Variants in ZNF727 observed in about 807,000 individuals in gnomAD.
The protein encoded by ZNF727 is zinc finger protein 727, also known as putative zinc finger protein 727.
In ZNF727, 11 loss-of-function variants were observed where a neutral mutation model predicts 11.5. That is an observed-to-expected ratio of 0.95 (90% CI 0.60 to 1.58). The LOEUF (loss-of-function observed/expected upper bound fraction) is 1.58, where lower values mean the gene tolerates loss of function less well. Ranked by LOEUF, ZNF727 falls within the 40% of genes most tolerant of loss-of-function variation. The pLI is 0.00. For missense variants in ZNF727, 533 were observed against 581.7 expected, an observed-to-expected ratio of 0.92 and a Z score of 0.86; for synonymous variants, 171 against 196.1, an observed-to-expected ratio of 0.87 and a Z score of 1.07.
intron 1 of ZNF727, among the ~76,000 whole-genome samples, chr7:64,059,557 A>G (rs998551231): frequency 6.6e-6 from 1 of 152,172 alleles, no homozygotes; most frequent in African/African-American, 2.4e-5. Context: ...CTTATTGATT[A>G]TTCAGATTAT....
At chr7:64,075,337 A>G (rs1790023608) in intron 3 of ZNF727, among the ~76,000 whole-genome samples, 1 of 152,118 alleles carries the variant, frequency 6.6e-6, no homozygotes, top group Non-Finnish European at 1.5e-5. Flanking sequence ...AAATATGTCC[A>G]GTATTATTTA....
At chr7:64,068,324 G>A (rs1018459826) in intron 1 of ZNF727, among the ~76,000 whole-genome samples, 2 of 152,102 alleles carry the variant, frequency 1.3e-5, no homozygotes, top group African/African-American at 4.8e-5. Flanking sequence ...CCTATGGAAA[G>A]TGAAGGCTCT....
intron 3 of ZNF727, among the ~76,000 whole-genome samples, chr7:64,071,701 T>G (rs565469431): frequency 1.3e-5 from 2 of 152,262 alleles, no homozygotes; most frequent in African/African-American, 4.8e-5. Context: ...TATGTTTTCT[T>G]TTAAGATTAT....
chr7:64,078,562 A>G lies in ZNF727; in HGVS notation c.*13A>G. 6.4e-6 allele frequency: 10 copies of G among 1,556,546 alleles called. No individual in the cohort carries two copies. The highest frequency in any genetic ancestry group is 8.7e-6 in the Non-Finnish European group (10 of 1,150,248). On this transcript the variant is annotated 3_prime_UTR_variant, in exon 4 of 4. Transcript: ENST00000456806. The stretch of plus-strand genomic sequence containing the variant: ...AAACATAAGGTAATTCATACTGGAG[A>G]TAAACCTTACAAATGTAATGAATGT...
intron 3 of ZNF727, among the ~76,000 whole-genome samples, chr7:64,073,856 A>G (rs1790001155): frequency 6.6e-6 from 1 of 152,158 alleles, no homozygotes. Context: ...CTAGTATTGT[A>G]ACAAGCATTC....
chr7:64,045,501 C>T lies in ZNF727; in HGVS notation c.-121C>T, dbSNP rs1186874614. ...GCTCTGAGTCCAGTACCCGTCTGTA[C>T]TATTCCATCTCTTCCGCTCCATTAG... On this transcript the variant is annotated 5_prime_UTR_variant, in exon 1 of 4. Transcript: ENST00000456806. 6.4e-5 allele frequency: 87 copies of T among 1,360,980 alleles called. No individual in the cohort carries two copies. In the East Asian group the frequency reaches 2.0e-3, roughly 31 times the overall value. 84.3% of individuals were successfully genotyped at this position (1,360,980 alleles called of 1,614,324 possible). A position where few individuals can be genotyped will look rare whatever the true frequency, so the allele number is the denominator to read the frequency against.
intron 3 of ZNF727, among the ~76,000 whole-genome samples, 197 bp downstream of exon 3, chr7:64,069,806 C>T (rs192039492): frequency 6.6e-6 from 1 of 152,062 alleles, no homozygotes; most frequent in African/African-American, 2.4e-5. Flanking sequence ...CTGTACATCC[C>T]CTTCAGTAAT....
chr7:64,059,033 C>T (rs1170221892), intron 1 of ZNF727, among the ~76,000 whole-genome samples: 2 of 151,786 alleles, frequency 1.3e-5, no homozygotes, highest in African/African-American at 4.8e-5. Flanking sequence ...CAACCTCCGC[C>T]TCCCGGGTTC....
At position 64,045,571 on chromosome 7, in the gene ZNF727, A is replaced by C; in HGVS notation, c.-51A>C. ...TAGCCCCTGTTATCCTGTGACCTGC[A>C]GGTACTGGGAGATCCATAGGGAAGA... On this transcript the variant is annotated 5_prime_UTR_variant, in exon 1 of 4. Coordinates refer to ENST00000456806, the MANE Select transcript of ZNF727 (RefSeq NM_001159522.3). 2 of 1,552,098 alleles carry C rather than the reference A, an allele frequency of 1.3e-6. No homozygotes were observed. The highest frequency in any genetic ancestry group is 1.7e-6 in the Non-Finnish European group (2 of 1,147,128).
intron 1 of ZNF727, among the ~76,000 whole-genome samples, chr7:64,062,685 A>AATATATATATGTATATATATATAT (rs1789790347): frequency 1.1e-5 from 1 of 89,980 alleles, no homozygotes; most frequent in Non-Finnish European, 2.4e-5. Context: ...CTTGTACTTG[A>AATATATATATGTATATATATATAT]ATATATATAT....
chr7:64,057,281 C>A lies in ZNF727; in HGVS notation c.4-11610C>A, dbSNP rs1481814884. Among the ~76,000 whole-genome samples the A allele has an allele frequency of 9.2e-5, 14 of 152,138 alleles. No homozygotes were observed. The South Asian group carries it at 1.2e-3, about 14-fold the overall frequency. On this transcript the variant is annotated intron_variant, in intron 1 of 3. Transcript: ENST00000456806. ...AAAAAGTAAAACAAAAATCTATTCA[C>A]AATGGCAAAGACATGGAATTAACCC...
At position 64,080,929 on chromosome 7, in the gene ZNF727, G is replaced by C. The variant is rs758907081; in HGVS notation, c.*2380G>C. ...GTGGTGGTGGAGGGGGCAATGCTCA[G>C]CTCACAACTCAGAGGCTGCATACTC... On this transcript the variant is annotated 3_prime_UTR_variant, in exon 4 of 4. Transcript: ENST00000456806. 6.6e-6 allele frequency among the ~76,000 whole-genome samples: 1 copy of C among 151,150 alleles called. No homozygotes were observed. The highest frequency in any genetic ancestry group is 2.4e-5 in the African/African-American group (1 of 41,082).
chr7:64,063,910 C>CCCAGA (rs1262596171), intron 1 of ZNF727, among the ~76,000 whole-genome samples: 2 of 152,122 alleles, frequency 1.3e-5, no homozygotes, highest in African/African-American at 4.8e-5. Context: ...GTCACCACCA[C>CCCAGA]CCAGAGCCCA....
rs1246488487 is a variant in ZNF727, at chr7:64,079,270, C to G, written c.*721C>G. 6.6e-6 allele frequency among the ~76,000 whole-genome samples: 1 copy of G among 152,178 alleles called. No homozygotes were observed. The highest frequency in any genetic ancestry group is 1.5e-5 in the Non-Finnish European group (1 of 68,024). On this transcript the variant is annotated 3_prime_UTR_variant, in exon 4 of 4. Coordinates refer to ENST00000456806, the MANE Select transcript of ZNF727 (RefSeq NM_001159522.3). ...GTTAAAAATGTGGAAAAGCCTTTAA[C>G]AATTCGTCATATTGTGTTCAACATC...
intron 2 of ZNF727, among the ~76,000 whole-genome samples, 179 bp from the exon 3 acceptor site, chr7:64,069,335 G>C (rs1789922755): frequency 6.6e-6 from 1 of 151,968 alleles, no homozygotes; most frequent in Non-Finnish European, 1.5e-5. Flanking sequence ...CTGGGTAATA[G>C]AGCTAATAAC....
intron 1 of ZNF727, among the ~76,000 whole-genome samples, chr7:64,046,447 C>T (rs1789508393): frequency 6.6e-6 from 1 of 152,152 alleles, no homozygotes; most frequent in Admixed American, 6.6e-5. Context: ...GGATTATGGG[C>T]GTGAATTTCT....
intron 1 of ZNF727, among the ~76,000 whole-genome samples, chr7:64,048,647 T>C (rs1361747938): frequency 6.6e-6 from 1 of 152,226 alleles, no homozygotes. Context: ...ATACGTAACC[T>C]AAAGCAATAT....
intron 3 of ZNF727, among the ~76,000 whole-genome samples, 185 bp from the exon 4 acceptor site, chr7:64,077,090 AC>A (rs1324887034): frequency 6.6e-6 from 1 of 152,190 alleles, no homozygotes; most frequent in African/African-American, 2.4e-5. Context: ...ACTGGTTCTT[AC>A]ACTTCTCACA....
In ZNF727 at chr7:64,068,897, C is replaced by G. The variant is rs1311502386; in HGVS notation, c.10C>G (p.Leu4Val). The change falls in exon 2 of 4, where the codon CTA becomes GTA. Residue 4 changes from leucine (L) to valine (V), a missense_variant. By Grantham distance (32) the Leu-to-Val change is conservative. Transcript: ENST00000456806. ...AATATGTTTTGTTTTTCAGCGAGTG[C>G]TAACATTCAGGGATGTGGCTGTAGA... MRV[L>V]TFRDVAVEFS... is the part of the protein sequence containing the mutation. 1.3e-6 allele frequency: 2 copies of G among 1,596,184 alleles called. No individual in the cohort carries two copies. The highest frequency in any genetic ancestry group is 2.2e-5 in the South Asian group (2 of 89,224).
Sources: gnomAD v4.1 joint callset for allele counts (sites outside exome capture counted in the v4.1 genomes callset) on GRCh38, gnomAD v4.1.1 for gene constraint, MANE v1.5 for transcripts, NCBI Gene and HGNC (gene_info 2026-07-23, HGNC 2026-07-21) for gene names.